The following CDCP1 variants were observed in gnomAD, a reference collection of about 807,000 sequenced individuals.
The protein encoded by CDCP1 is CUB domain containing protein 1, also known as CUB domain-containing protein 1.
CDCP1 carries 29 observed loss-of-function variants against 60.2 expected under a neutral mutation model. That is an observed-to-expected ratio of 0.48 (90% CI 0.36 to 0.66). The LOEUF (loss-of-function observed/expected upper bound fraction) is 0.66. Ranked by LOEUF, CDCP1 falls within the 30% of genes least tolerant of loss-of-function variation. The pLI is 0.00. For synonymous variants in CDCP1, 387 were observed against 431.1 expected, an observed-to-expected ratio of 0.90 and a Z score of 1.27; for missense variants, 876 against 1,074.3, an observed-to-expected ratio of 0.82 and a Z score of 2.58.
rs567627747 is a variant in CDCP1, at chr3:45,133,045, C to T, written c.82+13161G>A. Among the ~76,000 whole-genome samples the T allele has an allele frequency of 5.3e-4, 81 of 152,138 alleles. 2 individuals carry two copies. The South Asian group carries it at 0.016, about 30-fold the overall frequency. ...TGGGCTTTTCCTGGAGAAAAGGAGTCGATGTGTGAAAGGAATTCAACATAA... is the reference window on the plus strand; with the variant it reads ...TGGGCTTTTCCTGGAGAAAAGGAGTTGATGTGTGAAAGGAATTCAACATAA... On this transcript the variant is annotated intron_variant, in intron 1 of 8. Coordinates refer to ENST00000296129, the MANE Select transcript of CDCP1 (RefSeq NM_022842.5).
At chr3:45,120,915 CCCACCA>C (rs1559396916) in intron 1 of CDCP1, among the ~76,000 whole-genome samples, 1 of 9,516 alleles carries the variant, frequency 1.1e-4, no homozygotes, top group Non-Finnish European at 3.9e-4. Context: ...CTCCCCTCCC[CCCACCA>C]CTTCAGTCCT....
At position 45,084,591 on chromosome 3, in the gene CDCP1, CG is replaced by C. The variant is rs1233139486; in HGVS notation, c.*1046del. 1 of 152,272 alleles carries C rather than the reference CG, an allele frequency of 6.6e-6. No individual in the cohort carries two copies. Among genetic ancestry groups the C allele is most frequent in the Non-Finnish European group, 1.5e-5 (1 of 68,046 alleles). 9.4% of individuals were successfully genotyped at this position (152,272 alleles called of 1,614,324 possible). ...CTAGAAGCTTGAAATGGCAAGGAAC[CG>C]GCTTCTCCCTAGAGCCTTCAGAAGG... On this transcript the variant is annotated 3_prime_UTR_variant, in exon 9 of 9. Transcript: ENST00000296129.
rs1461933703 is a variant in CDCP1, at chr3:45,146,188, C to G, written c.82+18G>C. The G allele has an allele frequency of 1.3e-6, 2 of 1,579,486 alleles. No individual in the cohort carries two copies. The highest frequency in any genetic ancestry group is 1.7e-6 in the Non-Finnish European group (2 of 1,166,376). On this transcript the variant is annotated intron_variant, in intron 1 of 8. Coordinates refer to ENST00000296129, the MANE Select transcript of CDCP1 (RefSeq NM_022842.5). Reference sequence around the variant, plus strand: ...GCTCACCACTCCACGCCATCCGCCTCCAAAGCCCGGCACTCACCTGCCCCG... The same window carrying G: ...GCTCACCACTCCACGCCATCCGCCTGCAAAGCCCGGCACTCACCTGCCCCG...
At position 45,093,644 on chromosome 3, in the gene CDCP1, G is replaced by A. The variant is rs1698342540; in HGVS notation, c.1260C>T (p.His420=). The A allele has an allele frequency of 1.2e-6, 2 of 1,612,388 alleles. No individual in the cohort carries two copies. Among genetic ancestry groups the A allele is most frequent in the Admixed American group, 3.3e-5 (2 of 59,964 alleles). Residue 420 remains histidine, a synonymous_variant, in exon 6 of 9, where the codon CAC becomes CAT. Transcript: ENST00000296129. ...NVEKTISCTD[H]RYCQRKSYSL... ...AGTAGGATTTCCTTTGGCAGTACCG[G>A]TGGTCTGTGCAGCCTGGAAGAAGTG...
chr3:45,110,983 G>A, intron 3 of CDCP1, 142 bp from the exon 4 acceptor site: 1 of 936,212 alleles, frequency 1.1e-6, no homozygotes, highest in East Asian at 2.4e-5. Context: ...CTGTATATTT[G>A]GACTCAAGGC....
rs1167631536 is a variant in CDCP1, at chr3:45,091,331, C to T, written c.1835G>A (p.Arg612Gln). Residue 612 changes from arginine (R) to glutamine (Q), a missense_variant, in exon 7 of 9, where the codon CGG (arginine) becomes CAG (glutamine). Transcript: ENST00000296129. This position sits in a 1 kb window ranked among gnomAD's most constrained non-coding sequence, Gnocchi z 4.8. Reference protein sequence around the residue: ...GRAFMIIQEQRTRAEEIFSLD... With the variant: ...GRAFMIIQEQQTRAEEIFSLD... ...GCTGAAGATCTCCTCAGCCCGGGTC[C>T]GCTGCTCCTGGATGATCATGAATGC... The T allele has an allele frequency of 1.9e-6, 3 of 1,614,014 alleles. No individual in the cohort carries two copies. The highest frequency in any genetic ancestry group is 1.7e-6 in the Non-Finnish European group (2 of 1,180,050).
At chr3:45,123,069 G>A (rs1308238639) in intron 1 of CDCP1, among the ~76,000 whole-genome samples, 1 of 151,716 alleles carries the variant, frequency 6.6e-6, no homozygotes, top group African/African-American at 2.4e-5. Flanking sequence ...CATATGGAGA[G>A]CCCATTGTTC....
At chr3:45,118,763 G>A in intron 1 of CDCP1, 142 bp from the exon 2 acceptor site, 1 of 646,216 alleles carries the variant, frequency 1.5e-6, no homozygotes, top group Non-Finnish European at 2.7e-6. Flanking sequence ...GAAGGGTGGT[G>A]CAAAATGACA....
In CDCP1 at chr3:45,112,491, G is replaced by T. The variant is rs745616487; in HGVS notation, c.293-46C>A. ...CAATTTTGATCACAGATGCTCCAAG[G>T]CCCCACACCACTCCTCCTCCACCAC... On this transcript the variant is annotated intron_variant, in intron 2 of 8. Coordinates refer to ENST00000296129, the MANE Select transcript of CDCP1 (RefSeq NM_022842.5). 16 of 1,580,044 alleles carry T rather than the reference G, an allele frequency of 1.0e-5. No homozygotes were observed. The Admixed American group carries it at 2.2e-4, about 22-fold the overall frequency.
chr3:45,126,458 A>G (rs150369365), intron 1 of CDCP1, among the ~76,000 whole-genome samples: 96 of 152,102 alleles, frequency 6.3e-4, no homozygotes, highest in African/African-American at 2.3e-3. Flanking sequence ...AGTCCAGTGG[A>G]CCTGAGGCAG....
chr3:45,133,841 T>A (rs1321072249), intron 1 of CDCP1, among the ~76,000 whole-genome samples: 4 of 151,420 alleles, frequency 2.6e-5, no homozygotes, highest in Non-Finnish European at 5.9e-5. Context: ...TCCTCATTAA[T>A]CACAAGCCCT....
At chr3:45,132,214 G>A (rs926302469) in intron 1 of CDCP1, among the ~76,000 whole-genome samples, 4 of 147,098 alleles carry the variant, frequency 2.7e-5, no homozygotes, top group Non-Finnish European at 6.0e-5. Context: ...ACAGCCTGGC[G>A]ACACAGTGAG....
At chr3:45,098,898 T>C (rs1698445984) in intron 4 of CDCP1, among the ~76,000 whole-genome samples, 1 of 152,206 alleles carries the variant, frequency 6.6e-6, no homozygotes, top group Admixed American at 6.5e-5. Context: ...ACCCAAACTC[T>C]CTTCCACTTG....
Position 45,089,141 on chromosome 3 carries a change from T to A in CDCP1, c.1994A>T (p.Asp665Val). Residue 665 changes from aspartate to valine, a missense_variant and splice_region_variant, in exon 8 of 9, where the codon GAC becomes GTC. Physicochemically the swap from Asp to Val is radical, Grantham distance 152. Coordinates refer to ENST00000296129, the MANE Select transcript of CDCP1 (RefSeq NM_022842.5). ...FSVTLTPRTVDLTVILIAAVG... is the reference protein window; with the variant it reads ...FSVTLTPRTVVLTVILIAAVG... ...CGCTGCGATGAGGATGACAGTCAAG[T>A]CTGTGAGCAGAGACATAAAGAGACA... 1 of 1,613,594 alleles carries A rather than the reference T, an allele frequency of 6.2e-7. No individual in the cohort carries two copies. Among genetic ancestry groups the A allele is most frequent in the East Asian group, 2.2e-5 (1 of 44,856 alleles).
intron 5 of CDCP1, 151 bp downstream of exon 5, chr3:45,095,196 A>G: frequency 6.0e-6 from 4 of 664,412 alleles, no homozygotes; most frequent in Non-Finnish European, 1.0e-5. Flanking sequence ...GGCCTCCCAA[A>G]GTGCTGGGAT....
chr3:45,094,303 G>C (rs1352807556), intron 5 of CDCP1, among the ~76,000 whole-genome samples: 1 of 151,858 alleles, frequency 6.6e-6, no homozygotes, highest in Non-Finnish European at 1.5e-5. Context: ...TCGGCTCACT[G>C]CAACCTCCAC....
In CDCP1 at chr3:45,146,349, C is replaced by T. The variant is rs2126012725; in HGVS notation, c.-62G>A. The T allele has an allele frequency of 7.0e-7, 1 of 1,437,554 alleles. No homozygotes were observed. Among genetic ancestry groups the T allele is most frequent in the Non-Finnish European group, 9.3e-7 (1 of 1,075,250 alleles). The allele number at this position is 1,437,554 out of a possible 1,614,324, so 89.0% of individuals were successfully genotyped here. A position where few individuals can be genotyped will look rare whatever the true frequency, so the allele number is the denominator to read the frequency against. On this transcript the variant is annotated 5_prime_UTR_variant, in exon 1 of 9. Coordinates refer to ENST00000296129, the MANE Select transcript of CDCP1 (RefSeq NM_022842.5). ...CGGTGGGGAGCGGCGGCCCCAGGCG[C>T]CCAAGCCCGGCGCAGCTGCGCTCCG...
In CDCP1 at chr3:45,085,937, C is replaced by T. The variant is rs764842004; in HGVS notation, c.2212G>A (p.Glu738Lys). 3.1e-6 allele frequency: 5 copies of T among 1,614,138 alleles called. No homozygotes were observed. The highest frequency in any genetic ancestry group is 1.1e-5 in the South Asian group (1 of 91,072). The change falls in exon 9 of 9, where the codon GAG becomes AAG. Residue 738 changes from glutamate to lysine, a missense_variant. Glu to Lys is a moderately conservative substitution (Grantham distance 56). Coordinates refer to ENST00000296129, the MANE Select transcript of CDCP1 (RefSeq NM_022842.5). The surrounding 1 kb of genome is among the most constrained non-coding windows in gnomAD (Gnocchi z 4.2). ...AGATGCCCATATACCATGGTGTCCT[C>T]GATGACTGCATACACATGGGAGTCA... ...DNDSHVYAVI[E>K]DTMVYGHLLQ...
intron 4 of CDCP1, among the ~76,000 whole-genome samples, chr3:45,100,051 G>T (rs889038774): frequency 6.6e-6 from 1 of 152,074 alleles, no homozygotes; most frequent in Admixed American, 6.5e-5. Flanking sequence ...AGGCACTAAT[G>T]CTATTTGGAA....
Sources: gnomAD v4.1 joint callset for allele counts (sites outside exome capture counted in the v4.1 genomes callset) on GRCh38, gnomAD v4.1.1 for gene constraint, Gnocchi (gnomAD v3.1) non-coding constraint, MANE v1.5 for transcripts, NCBI Gene and HGNC (gene_info 2026-07-23, HGNC 2026-07-21) for gene names.